Variants in RALGAPA1 observed in about 807,000 individuals in gnomAD.
The protein encoded by RALGAPA1 is ral GTPase-activating protein subunit alpha-1.
RALGAPA1 carries 52 observed loss-of-function variants against 269.6 expected under a neutral mutation model. The ratio of observed to expected loss-of-function variants is 0.19; its 90% CI spans 0.15 to 0.24. RALGAPA1 has a LOEUF of 0.24. Ranked by LOEUF, RALGAPA1 falls within the 10% of genes least tolerant of loss-of-function variation. The probability of loss-of-function intolerance (pLI) is 1.00; values close to 1 mark genes in which losing one functional copy is unlikely to be tolerated. For synonymous variants in RALGAPA1, 817 were observed against 1,008.3 expected (o/e 0.81, Z 3.60); for missense variants, 1,917 against 3,013.9 (o/e 0.64, Z 8.52).
intron 37 of RALGAPA1, among the ~76,000 whole-genome samples, chr14:35,575,660 C>T (rs957158761): frequency 6.6e-6 from 1 of 152,162 alleles, no homozygotes; most frequent in South Asian, 2.1e-4. Context: ...AATGGTGCAA[C>T]CTTGGCTCAC....
At chr14:35,634,421 C>A (rs1248074089) in intron 33 of RALGAPA1, among the ~76,000 whole-genome samples, 153 bp downstream of exon 33, 1 of 152,162 alleles carries the variant, frequency 6.6e-6, no homozygotes, top group Non-Finnish European at 1.5e-5. Context: ...GAAGTTATTT[C>A]TTTAATTAAT....
chr14:35,591,295 T>TGTAC lies in RALGAPA1; in HGVS notation c.7209+4338_7209+4339insGTAC, dbSNP rs2058619445. On this transcript the variant is annotated intron_variant, in intron 37 of 41. Coordinates refer to ENST00000680220, the MANE Select transcript of RALGAPA1 (RefSeq NM_001346249.2). ...CATGTTATATTTTAAGTGCTATGTA[T>TGTAC]GTATGTATGTATGTATGTATGTATG... Among the ~76,000 whole-genome samples the TGTAC allele has an allele frequency of 2.0e-5, 3 of 147,470 alleles. No homozygotes were observed. In the South Asian group the frequency reaches 6.3e-4, roughly 31 times the overall value.
At chr14:35,765,423 T>C (rs1174579327) in intron 4 of RALGAPA1, among the ~76,000 whole-genome samples, 1 of 151,988 alleles carries the variant, frequency 6.6e-6, no homozygotes, top group Admixed American at 6.6e-5. Flanking sequence ...TACATATATA[T>C]GATATATATT....
At chr14:35,551,780 C>T (rs2055037778) in intron 39 of RALGAPA1, among the ~76,000 whole-genome samples, 1 of 151,982 alleles carries the variant, frequency 6.6e-6, no homozygotes, top group Admixed American at 6.6e-5. Context: ...TCCTAATACA[C>T]AGCTGCACAA....
intron 1 of RALGAPA1, among the ~76,000 whole-genome samples, chr14:35,783,372 C>T (rs1312458324): frequency 6.6e-6 from 1 of 151,890 alleles, no homozygotes; most frequent in African/African-American, 2.4e-5. Context: ...GTTTGGTACC[C>T]TTCAAAAGTC....
chr14:35,620,713 CATT>C (rs1227829029), intron 35 of RALGAPA1, among the ~76,000 whole-genome samples: 2 of 152,170 alleles, frequency 1.3e-5, no homozygotes, highest in East Asian at 3.8e-4. Context: ...TCCTATACAT[CATT>C]AACAGACAAA....
intron 11 of RALGAPA1, among the ~76,000 whole-genome samples, chr14:35,740,544 G>A (rs982644608): frequency 5.9e-5 from 9 of 152,174 alleles, no homozygotes; most frequent in Admixed American, 2.0e-4. Flanking sequence ...TGTGGCTCCC[G>A]CCTGTCATCC....
At chr14:35,630,351 G>A (rs142047462) in intron 33 of RALGAPA1, among the ~76,000 whole-genome samples, 49 of 151,670 alleles carry the variant, frequency 3.2e-4, no homozygotes, top group African/African-American at 1.1e-3. Flanking sequence ...GCAGTGGCAC[G>A]ATCTTGGCTC....
chr14:35,808,585 TTATTCAC>T (rs1488654532), intron 1 of RALGAPA1, 138 bp downstream of exon 1: 1 of 796,320 alleles, frequency 1.3e-6, no homozygotes, highest in East Asian at 2.7e-5. Flanking sequence ...CTTCTCCGAA[TTATTCAC>T]CCTCCCGCGT....
chr14:35,708,613 G>T (rs2068018541), intron 16 of RALGAPA1, among the ~76,000 whole-genome samples: 1 of 152,104 alleles, frequency 6.6e-6, no homozygotes, highest in African/African-American at 2.4e-5. Flanking sequence ...TGCTGGCCAG[G>T]ATGTGAAGAA....
intron 1 of RALGAPA1, among the ~76,000 whole-genome samples, chr14:35,785,421 A>T (rs927216373): frequency 1.3e-5 from 2 of 152,208 alleles, no homozygotes; most frequent in African/African-American, 2.4e-5. Context: ...CAAATACTTT[A>T]AATTATAAAG....
chr14:35,708,351 C>T (rs1044973195), intron 16 of RALGAPA1, among the ~76,000 whole-genome samples: 2 of 152,014 alleles, frequency 1.3e-5, no homozygotes, highest in Non-Finnish European at 2.9e-5. Context: ...TGCAAAGTAT[C>T]CATCTGACAA....
chr14:35,716,333 G>A (rs1211088388), intron 16 of RALGAPA1, among the ~76,000 whole-genome samples: 1 of 150,064 alleles, frequency 6.7e-6, no homozygotes, highest in Non-Finnish European at 1.5e-5. Context: ...AGGAGGCGGA[G>A]GTTGCAGTGA....
chr14:35,750,529 G>A lies in RALGAPA1; in HGVS notation c.964C>T (p.Pro322Ser), dbSNP rs1436558062. 2 of 1,612,884 alleles carry A rather than the reference G, an allele frequency of 1.2e-6. No homozygotes were observed. The highest frequency in any genetic ancestry group is 2.7e-5 in the African/African-American group (2 of 74,864). Reference sequence around the variant, plus strand: ...TCACCTTCCATCCCAGGAATATGAGGTCCTGTATGTGGTTTTGGCTCCAGC... The same window carrying A: ...TCACCTTCCATCCCAGGAATATGAGATCCTGTATGTGGTTTTGGCTCCAGC... ...FWLEPKPHTG[P>S]HIPGMEGEVL... The change falls in exon 9 of 42, where the codon CCT becomes TCT. Residue 322 changes from proline (P) to serine (S), a missense_variant. Coordinates refer to ENST00000680220, the MANE Select transcript of RALGAPA1 (RefSeq NM_001346249.2).
At chr14:35,732,000 C>A (rs1342558299) in intron 12 of RALGAPA1, among the ~76,000 whole-genome samples, 1 of 152,116 alleles carries the variant, frequency 6.6e-6, no homozygotes, top group Non-Finnish European at 1.5e-5. Context: ...TACCAGGTAA[C>A]CCACAAAGGA....
intron 9 of RALGAPA1, among the ~76,000 whole-genome samples, chr14:35,749,415 C>A (rs2072460615): frequency 6.6e-6 from 1 of 152,014 alleles, no homozygotes; most frequent in African/African-American, 2.4e-5. Context: ...CAAGCCTAAC[C>A]AGATAGGGAA....
chr14:35,696,212 A>G (rs10130202), intron 17 of RALGAPA1, among the ~76,000 whole-genome samples: 16,684 of 151,898 alleles, frequency 0.11, 1,507 homozygotes, highest in East Asian at 0.37. Context: ...GGGCAACTTT[A>G]TGTTCAGAAT....
intron 7 of RALGAPA1, among the ~76,000 whole-genome samples, 182 bp from the exon 8 acceptor site, chr14:35,752,344 T>C (rs985908684): frequency 1.3e-5 from 2 of 152,184 alleles, no homozygotes; most frequent in Admixed American, 6.5e-5. Context: ...AAGTACATTA[T>C]GTATATGTTT....
chr14:35,621,718 C>T (rs1282817223), intron 35 of RALGAPA1, among the ~76,000 whole-genome samples: 2 of 152,184 alleles, frequency 1.3e-5, no homozygotes, highest in Admixed American at 6.5e-5. Flanking sequence ...TGAACAGACA[C>T]TTCTCAAAAG....
Sources: allele counts gnomAD v4.1 joint callset (sites outside exome capture counted in the v4.1 genomes callset), GRCh38; gene constraint gnomAD v4.1.1; transcripts MANE v1.5; gene names NCBI Gene and HGNC (gene_info 2026-07-23, HGNC 2026-07-21).